Variants in APOL2 observed in about 807,000 individuals in gnomAD.
APOL2 encodes apolipoprotein L, 2.
A neutral mutation model predicts 7.1 loss-of-function variants in APOL2; 8 were observed. The ratio of observed to expected loss-of-function variants is 1.12; its 90% confidence interval spans 0.66 to 2.03. The LOEUF (loss-of-function observed/expected upper bound fraction) is 2.03. APOL2 is among the 30% of genes most tolerant of loss of function. The probability of loss-of-function intolerance (pLI) is 0.00; values close to 1 mark genes in which losing one functional copy is unlikely to be tolerated. For synonymous variants in APOL2, 177 were observed against 159.9 expected (o/e 1.11, Z -0.81); for missense variants, 471 against 415.1 (o/e 1.13, Z -1.17).
chr22:36,238,578 T>C (rs2015491481), intron 1 of APOL2, among the ~76,000 whole-genome samples: 1 of 152,330 alleles, frequency 6.6e-6, no homozygotes, highest in East Asian at 1.9e-4. Flanking sequence ...TGTCCAGGTT[T>C]GATTCTGCTT....
rs2014987750 is a variant in APOL2 at position 36,226,419 on chromosome 22, C to T, written c.*985G>A. 6.6e-6 allele frequency: 1 copy of T among 152,382 alleles called. No homozygotes were observed. The highest frequency in any genetic ancestry group is 2.1e-4 in the South Asian group (1 of 4,834). 9.4% of individuals were successfully genotyped at this position (152,382 alleles called of 1,614,324 possible). A position where few individuals can be genotyped will look rare whatever the true frequency, so the allele number is the denominator to read the frequency against. The stretch of plus-strand genomic sequence containing the variant: ...AAGTTTGGGTTCTCAGGGACACCTG[C>T]TCCTCAGCTGGGGATTGTGGCCATG... On this transcript the variant is annotated 3_prime_UTR_variant, in exon 5 of 5. Transcript: ENST00000358502.
intron 1 of APOL2, 120 bp from the exon 2 acceptor site, chr22:36,233,575 C>A: frequency 2.2e-6 from 2 of 916,252 alleles, no homozygotes; most frequent in Non-Finnish European, 3.4e-6. Flanking sequence ...TGACCTGGGC[C>A]TGGGAACATG....
rs758112730 is a variant in APOL2, at chr22:36,228,087, T to C, written c.331A>G (p.Arg111Gly). The C allele has an allele frequency of 3.1e-6, 5 of 1,614,130 alleles. No individual in the cohort carries two copies. The highest frequency in any genetic ancestry group is 4.2e-6 in the Non-Finnish European group (5 of 1,180,046). ...ACCACATTGGCAATGGTGGTGCCTC[T>C]GTGGACCTGCTCAACCTCCTCTGCA... is the stretch of plus-strand genomic sequence containing the variant. ...ALAEEVEQVHRGTTIANVVSN... is the reference protein window; with the variant it reads ...ALAEEVEQVHGGTTIANVVSN... Residue 111 changes from arginine (R) to glycine (G), a missense_variant, in exon 5 of 5, where the codon AGA (arginine) becomes GGA (glycine). By Grantham distance (125) the Arg-to-Gly change is moderately radical (BLOSUM62 -2). Transcript: ENST00000358502.
chr22:36,232,778 G>A (rs1048973300), intron 3 of APOL2, among the ~76,000 whole-genome samples: 1 of 152,066 alleles, frequency 6.6e-6, no homozygotes, highest in Non-Finnish European at 1.5e-5. Context: ...AAGAGCGGTA[G>A]ATAAGAGATC....
intron 1 of APOL2, among the ~76,000 whole-genome samples, chr22:36,235,415 A>G (rs9610464): frequency 0.12 from 18,011 of 152,240 alleles, 1,192 homozygotes; most frequent in Middle Eastern, 0.16. Context: ...GGAGTCCAGA[A>G]CAAACAAGTA....
chr22:36,239,613 C>A, upstream of APOL2: 1 of 1,042,194 alleles, frequency 9.6e-7, no homozygotes, highest in Non-Finnish European at 1.4e-6. Flanking sequence ...AGCTCATGAC[C>A]AAGCACAGTA....
chr22:36,230,962 T>C (rs1218424323), intron 4 of APOL2, among the ~76,000 whole-genome samples: 4 of 152,216 alleles, frequency 2.6e-5, no homozygotes, highest in Non-Finnish European at 5.9e-5. Flanking sequence ...GCTTGTAAGA[T>C]GTTAACGTTA....
rs762993731 is a variant in APOL2 at position 36,228,229 on chromosome 22, C to G, written c.189G>C (p.Met63Ile). 3 of 1,614,068 alleles carry G rather than the reference C, an allele frequency of 1.9e-6. No homozygotes were observed. The highest frequency in any genetic ancestry group is 2.7e-5 in the African/African-American group (2 of 74,928). ...CGTGGCGGTTTTTGTCCTTCATGAC[C>G]ATGTGACTTGCAAGCTTGTTCAGAG... ...RKALNKLASH[M>I]VMKDKNRHDK... Residue 63 changes from methionine (M) to isoleucine (I), a missense_variant, in exon 5 of 5, where the codon ATG becomes ATC. Coordinates refer to ENST00000358502, the MANE Select transcript of APOL2 (RefSeq NM_030882.4).
intron 1 of APOL2, among the ~76,000 whole-genome samples, chr22:36,238,817 G>A (rs1010295357): frequency 1.3e-5 from 2 of 152,182 alleles, no homozygotes; most frequent in African/African-American, 4.8e-5. Flanking sequence ...GTGAGGGCCA[G>A]AGACGTGAAG....
chr22:36,229,583 T>C (rs1439731688), intron 4 of APOL2, among the ~76,000 whole-genome samples: 1 of 152,220 alleles, frequency 6.6e-6, no homozygotes, highest in Non-Finnish European at 1.5e-5. Context: ...TTAATCTGTG[T>C]TCTTTCCCTG....
intron 1 of APOL2, chr22:36,237,101 C>T: frequency 1.3e-6 from 2 of 1,535,206 alleles, no homozygotes; most frequent in Non-Finnish European, 1.8e-6. Flanking sequence ...GGATCCCATC[C>T]TCCTGGGTCA....
Position 36,227,159 on chromosome 22 carries a change from CA to C in APOL2, c.*244del. 10 of 388,284 alleles carry C rather than the reference CA, an allele frequency of 2.6e-5. No individual in the cohort carries two copies. Among genetic ancestry groups the C allele is most frequent in the South Asian group, 4.8e-5 (1 of 20,770 alleles). The allele number at this position is 388,284 out of a possible 1,614,324, so 24.1% of individuals were successfully genotyped here. A position where few individuals can be genotyped will look rare whatever the true frequency, so the allele number is the denominator to read the frequency against. ...TGAAACCCCGTCTCCAGTGAAAATA[CA>C]AAAAAATTAGCCGGGCGTGGTGGCA... On this transcript the variant is annotated 3_prime_UTR_variant, in exon 5 of 5. Coordinates refer to ENST00000358502, the MANE Select transcript of APOL2 (RefSeq NM_030882.4).
chr22:36,234,163 T>C (rs2015325115), intron 1 of APOL2: 2 of 152,246 alleles, frequency 1.3e-5, no homozygotes, highest in Admixed American at 1.3e-4. Flanking sequence ...ACATTTGAGA[T>C]TATTTCCTTA....
In APOL2 at chr22:36,227,657, C is replaced by T. The variant is rs772080686; in HGVS notation, c.761G>A (p.Gly254Asp). The T allele has an allele frequency of 1.8e-5, 29 of 1,614,116 alleles. No homozygotes were observed. The highest frequency in any genetic ancestry group is 2.4e-5 in the Non-Finnish European group (28 of 1,180,038). Reference protein sequence around the residue: ...HVIGRISAEGGEQVERVVEGP... With the variant: ...HVIGRISAEGDEQVERVVEGP... ...TTCAACAACCCTCTCAACCTGTTCA[C>T]CGCCTTCAGCTGAGATTCGCCCAAT... is the stretch of plus-strand genomic sequence containing the variant. The change falls in exon 5 of 5, where the codon GGT becomes GAT. Residue 254 changes from glycine to aspartate, a missense_variant. Transcript: ENST00000358502.
At position 36,227,783 on chromosome 22, in the gene APOL2, T is replaced by A; in HGVS notation, c.635A>T (p.Asn212Ile). 1 of 1,614,186 alleles carries A rather than the reference T, an allele frequency of 6.2e-7. No homozygotes were observed. The highest frequency in any genetic ancestry group is 8.5e-7 in the Non-Finnish European group (1 of 1,180,020). Reference sequence around the variant, plus strand: ...AATCCCTTGTGTGACTTGGTACCAATTGTCAACTAAGGTAAGAACATTGGG... The same window carrying A: ...AATCCCTTGTGTGACTTGGTACCAAATGTCAACTAAGGTAAGAACATTGGG... Reference protein sequence around the residue: ...NTPNVLTLVDNWYQVTQGIGR... With the variant: ...NTPNVLTLVDIWYQVTQGIGR... Residue 212 changes from asparagine (N) to isoleucine (I), a missense_variant, in exon 5 of 5, where the codon AAT (asparagine) becomes ATT (isoleucine). Asn to Ile is a moderately radical substitution (Grantham distance 149). Transcript: ENST00000358502.
chr22:36,237,103 C>T (rs2015431778), intron 1 of APOL2: 1 of 1,535,284 alleles, frequency 6.5e-7, no homozygotes, highest in East Asian at 2.5e-5. Context: ...ATCCCATCCT[C>T]CTGGGTCATT....
chr22:36,237,556 A>C (rs1357357661), intron 1 of APOL2, among the ~76,000 whole-genome samples: 2 of 152,094 alleles, frequency 1.3e-5, no homozygotes, highest in Admixed American at 1.3e-4. Context: ...CTACAGGCAC[A>C]CGGCACCATG....
chr22:36,238,454 G>T (rs572539665), intron 1 of APOL2, among the ~76,000 whole-genome samples: 1 of 151,976 alleles, frequency 6.6e-6, no homozygotes, highest in East Asian at 1.9e-4. Flanking sequence ...TAGGCTGGGA[G>T]GGGAGGTGAC....
chr22:36,233,568 C>T, intron 1 of APOL2, 113 bp from the exon 2 acceptor site: 2 of 964,382 alleles, frequency 2.1e-6, no homozygotes, highest in Non-Finnish European at 3.2e-6. Flanking sequence ...CTGACAATGA[C>T]CTGGGCCTGG....
Sources: gnomAD v4.1 joint callset for allele counts (sites outside exome capture counted in the v4.1 genomes callset) on GRCh38, gnomAD v4.1.1 for gene constraint, MANE v1.5 for transcripts, NCBI Gene and HGNC (gene_info 2026-07-23, HGNC 2026-07-21) for gene names.